STAU1: variants seen among roughly 807,000 people sequenced by gnomAD.
STAU1 encodes the protein staufen double-stranded RNA binding protein 1.
In STAU1, 13 loss-of-function variants were observed where a neutral mutation model predicts 62.9. The ratio of observed to expected loss-of-function variants is 0.21; its 90% CI spans 0.13 to 0.33. The LOEUF is 0.33. Ranked by LOEUF, STAU1 falls within the 10% of genes least tolerant of loss-of-function variation. The pLI, the probability that STAU1 is intolerant of heterozygous loss-of-function variation, is 1.00. For synonymous variants in STAU1, 269 were observed against 265.1 expected (o/e 1.01, Z -0.14); for missense variants, 571 against 712.1 (o/e 0.80, Z 2.25).
chr20:49,217,160 T>C, the STAU1 span, among the ~76,000 whole-genome samples: 47,194 of 151,514 alleles, frequency 0.31, 8,152 homozygotes, highest in African/African-American at 0.45. Flanking sequence ...AACCCCCCAC[T>C]CCCCGGCGCT....
intron 5 of STAU1, among the ~76,000 whole-genome samples, chr20:49,147,282 C>G (rs997363103): frequency 6.6e-6 from 1 of 152,190 alleles, no homozygotes; most frequent in Non-Finnish European, 1.5e-5. Context: ...ACTAAGTTCA[C>G]AGGAAAAGGG....
chr20:49,158,973 G>A, intron 3 of STAU1: 1 of 1,301,474 alleles, frequency 7.7e-7, no homozygotes, highest in Non-Finnish European at 1.0e-6. Flanking sequence ...GACATCAGGG[G>A]TCTCCTTTAT....
rs539954834 is a variant in STAU1, at chr20:49,181,539, C to A, written c.-160+6577G>T. Among the ~76,000 whole-genome samples the A allele has an allele frequency of 2.6e-5, 4 of 152,048 alleles. No homozygotes were observed. The South Asian group carries it at 8.3e-4, about 32-fold the overall frequency. On this transcript the variant is annotated intron_variant, in intron 1 of 13. Transcript: ENST00000371856. ...TATCACTTTGCGAGGCTAAGGCAGG[C>A]GGATTGCCTGAGCTCAGGAGTTCGA... is the stretch of plus-strand genomic sequence containing the variant.
At chr20:49,119,919 T>C in intron 9 of STAU1, 63 bp downstream of exon 9, 1 of 1,561,868 alleles carries the variant, frequency 6.4e-7, no homozygotes, top group Non-Finnish European at 8.7e-7. Flanking sequence ...CCCCTGGAGG[T>C]GCCCCAGTTC....
At chr20:49,187,075 A>T (rs60086355) in intron 1 of STAU1, among the ~76,000 whole-genome samples, 1,794 of 152,220 alleles carry the variant, frequency 0.012, 41 homozygotes, top group African/African-American at 0.04. Flanking sequence ...AAGACAAGAC[A>T]GACAAATTTT....
At chr20:49,139,284 A>C (rs773298020) in intron 5 of STAU1, among the ~76,000 whole-genome samples, 1 of 152,246 alleles carries the variant, frequency 6.6e-6, no homozygotes, top group Non-Finnish European at 1.5e-5. Flanking sequence ...CTATCAAGAG[A>C]GTGAAGAAAA....
At chr20:49,206,751 A>ATTTTTTTTTTTTT in the STAU1 span, among the ~76,000 whole-genome samples, 8 of 95,040 alleles carry the variant, frequency 8.4e-5, no homozygotes, top group African/African-American at 3.0e-4. Flanking sequence ...ATATATATAT[A>ATTTTTTTTTTTTT]TTTTATTTTA....
intron 1 of STAU1, among the ~76,000 whole-genome samples, chr20:49,186,560 A>G (rs151045219): frequency 1.1e-4 from 17 of 152,176 alleles, no homozygotes; most frequent in Non-Finnish European, 2.2e-4. Flanking sequence ...CACACTCCTT[A>G]CTCATATAAA....
chr20:49,186,280 AG>A (rs1458959375), intron 1 of STAU1, among the ~76,000 whole-genome samples: 1 of 151,636 alleles, frequency 6.6e-6, no homozygotes, highest in Non-Finnish European at 1.5e-5. Context: ...AGGGTGGCAG[AG>A]GTTGAAATGA....
At chr20:49,133,339 C>T (rs1384270188) in intron 6 of STAU1, among the ~76,000 whole-genome samples, 1 of 152,190 alleles carries the variant, frequency 6.6e-6, no homozygotes, top group Non-Finnish European at 1.5e-5. Context: ...TGGCCCAAGC[C>T]GTCAACTCTG....
In STAU1 at chr20:49,114,214, T is replaced by TA. The variant is rs1338765176; in HGVS notation, c.*663dup. Reference sequence around the variant, plus strand: ...TCTCAGACAAGTTTCCAAACTGTGCTATTTAACTAGATACAATTGAGAAAT... The same window carrying TA: ...TCTCAGACAAGTTTCCAAACTGTGCTAATTTAACTAGATACAATTGAGAAAT... On this transcript the variant is annotated 3_prime_UTR_variant, in exon 14 of 14. Coordinates refer to ENST00000371856, the MANE Select transcript of STAU1 (RefSeq NM_017453.4). 20 of 152,758 alleles carry TA rather than the reference T, an allele frequency of 1.3e-4. No individual in the cohort carries two copies. The highest frequency in any genetic ancestry group is 4.8e-4 in the African/African-American group (20 of 41,594). 9.5% of individuals were successfully genotyped at this position (152,758 alleles called of 1,614,324 possible).
chr20:49,139,171 C>T (rs1376138966), intron 5 of STAU1, among the ~76,000 whole-genome samples: 1 of 152,158 alleles, frequency 6.6e-6, no homozygotes, highest in African/African-American at 2.4e-5. Context: ...TGTTATGACA[C>T]CATCTGGTGA....
intron 6 of STAU1, among the ~76,000 whole-genome samples, chr20:49,131,616 G>A (rs992087380): frequency 1.3e-5 from 2 of 152,114 alleles, no homozygotes; most frequent in Non-Finnish European, 2.9e-5. Context: ...GCCAAGGCAG[G>A]CAGATCGCTT....
At position 49,124,437 on chromosome 20, in the gene STAU1, G is replaced by A; in HGVS notation, c.760C>T (p.Pro254Ser). Reference protein sequence around the residue: ...AVLEELKKLPPLPAVERVKPR... With the variant: ...AVLEELKKLPSLPAVERVKPR... ...TTTACTCGTTCAACTGCAGGCAGGG[G>A]CGGTAACTTCTTCAGCTCCTCAAGA... is the stretch of plus-strand genomic sequence containing the variant. Residue 254 changes from proline to serine, a missense_variant, in exon 7 of 14, where the codon CCC (proline) becomes TCC (serine). Transcript: ENST00000371856. The A allele has an allele frequency of 6.2e-7, 1 of 1,614,190 alleles. No individual in the cohort carries two copies. The highest frequency in any genetic ancestry group is 1.6e-4 in the Middle Eastern group (1 of 6,062).
rs374353901 is a variant in STAU1, at chr20:49,174,452, C to T, written c.-159-183G>A. Among the ~76,000 whole-genome samples the T allele has an allele frequency of 9.2e-5, 14 of 152,306 alleles. 1 individual carries two copies. The highest frequency in any genetic ancestry group is 8.3e-4 in the South Asian group (4 of 4,830). On this transcript the variant is annotated intron_variant, in intron 1 of 13. Coordinates refer to ENST00000371856, the MANE Select transcript of STAU1 (RefSeq NM_017453.4). The stretch of plus-strand genomic sequence containing the variant: ...AGACACAAGCGGCCAGACATGGTGG[C>T]TCATGGCCTGTAATCCCAACACTTT...
intron 3 of STAU1, chr20:49,158,393 C>G: frequency 8.0e-7 from 1 of 1,256,024 alleles, no homozygotes; most frequent in Non-Finnish European, 1.1e-6. Flanking sequence ...TTCAGTATGT[C>G]TAGGTCATTT....
At chr20:49,154,137 A>G in intron 3 of STAU1, 66 bp from the exon 4 acceptor site, 4 of 1,465,178 alleles carry the variant, frequency 2.7e-6, no homozygotes, top group Non-Finnish European at 3.7e-6. Context: ...CTAAAATAAA[A>G]TGTAATAGCA....
intron 3 of STAU1, among the ~76,000 whole-genome samples, chr20:49,164,598 G>C (rs561948299): frequency 6.6e-6 from 1 of 151,906 alleles, no homozygotes; most frequent in East Asian, 1.9e-4. Context: ...CCATGACGCA[G>C]AAAATTTTAA....
the STAU1 span, among the ~76,000 whole-genome samples, chr20:49,207,208 C>T: frequency 2.6e-5 from 4 of 151,496 alleles, no homozygotes; most frequent in South Asian, 2.1e-4. Context: ...CCTAGGCGAC[C>T]GAGTGAGACC....
Sources: gnomAD v4.1 joint callset for allele counts (sites outside exome capture counted in the v4.1 genomes callset) on GRCh38, gnomAD v4.1.1 for gene constraint, MANE v1.5 for transcripts, NCBI Gene and HGNC (gene_info 2026-07-23, HGNC 2026-07-21) for gene names.